The following SYNPR variants were observed in gnomAD, a reference collection of about 807,000 sequenced individuals.
SYNPR encodes the protein synaptoporin.
A neutral mutation model predicts 32.9 loss-of-function variants in SYNPR; 23 were observed. That is an observed-to-expected ratio of 0.70 (90% CI 0.50 to 0.99). The LOEUF is 0.99. Ranked by LOEUF, SYNPR falls within the 50% of genes least tolerant of loss-of-function variation. The pLI is 0.00. For synonymous variants in SYNPR, 146 were observed against 135.9 expected (o/e 1.07, Z -0.52); for missense variants, 318 against 349.3 (o/e 0.91, Z 0.71).
chr3:63,265,600 C>G (rs7622726), intron 2 of SYNPR, among the ~76,000 whole-genome samples: 2,006 of 152,214 alleles, frequency 0.013, 41 homozygotes, highest in African/African-American at 0.046. Flanking sequence ...AAAAGATATA[C>G]ATTAACAAAA....
At chr3:63,295,437 C>T (rs2086784437) in intron 2 of SYNPR, among the ~76,000 whole-genome samples, 1 of 151,876 alleles carries the variant, frequency 6.6e-6, no homozygotes, top group Admixed American at 6.6e-5. Context: ...TGCTGAGCTT[C>T]AAAAAAAGAC....
intron 3 of SYNPR, among the ~76,000 whole-genome samples, chr3:63,552,027 A>T (rs371469140): frequency 5.3e-5 from 8 of 151,872 alleles, no homozygotes; most frequent in African/African-American, 1.5e-4. Flanking sequence ...CCTCCCGAGT[A>T]GCTGGGATTA....
intron 4 of SYNPR, among the ~76,000 whole-genome samples, chr3:63,601,844 A>G (rs541417440): frequency 2.0e-5 from 3 of 152,274 alleles, no homozygotes; most frequent in Non-Finnish European, 4.4e-5. Context: ...TTGGGTATAT[A>G]CCCAATAATG....
intron 2 of SYNPR, among the ~76,000 whole-genome samples, chr3:63,389,294 C>A (rs1260826915): frequency 4.6e-5 from 7 of 152,052 alleles, no homozygotes; most frequent in African/African-American, 1.7e-4. Context: ...AAAACCAACA[C>A]CTTAAGTGCA....
At chr3:63,520,275 G>A (rs966192512) in intron 3 of SYNPR, among the ~76,000 whole-genome samples, 4 of 152,154 alleles carry the variant, frequency 2.6e-5, no homozygotes, top group Non-Finnish European at 1.5e-5. Context: ...TCTGGGAAAG[G>A]AATTCTGGGG....
chr3:63,203,068 G>GTGTGTGTGTATATA, the SYNPR span: 37 of 108,582 alleles, frequency 3.4e-4, no homozygotes, highest in Admixed American at 7.0e-4. Flanking sequence ...ATATGTATGT[G>GTGTGTGTGTATATA]TATATATATA....
At chr3:63,449,095 T>C (rs537643452) in intron 2 of SYNPR, among the ~76,000 whole-genome samples, 1 of 152,060 alleles carries the variant, frequency 6.6e-6, no homozygotes, top group South Asian at 2.1e-4. Context: ...TCTTGGACAG[T>C]ATTGGGAGAG....
intron 2 of SYNPR, among the ~76,000 whole-genome samples, chr3:63,437,150 T>TAC (rs67785174): frequency 0.15 from 22,501 of 152,078 alleles, 1,760 homozygotes; most frequent in East Asian, 0.32. Context: ...GTGCTGGGAT[T>TAC]AGACATGAGC....
intron 2 of SYNPR, among the ~76,000 whole-genome samples, chr3:63,474,249 C>T (rs932604285): frequency 7.9e-5 from 12 of 152,266 alleles, no homozygotes; most frequent in South Asian, 2.1e-4. Flanking sequence ...CTCCTGGGGA[C>T]GTCTACCTTG....
At chr3:63,575,388 T>C (rs1266683598) in intron 4 of SYNPR, among the ~76,000 whole-genome samples, 1 of 152,080 alleles carries the variant, frequency 6.6e-6, no homozygotes, top group East Asian at 1.9e-4. Context: ...TTCCTCTTTC[T>C]CATCATAAAG....
intron 4 of SYNPR, among the ~76,000 whole-genome samples, chr3:63,573,383 CAAGAT>C (rs141046015): frequency 0.012 from 1,757 of 152,218 alleles, 42 homozygotes; most frequent in African/African-American, 0.041. Flanking sequence ...TCATCACACT[CAAGAT>C]AAGAAGTCTA....
intron 2 of SYNPR, among the ~76,000 whole-genome samples, chr3:63,342,366 T>C (rs1398955427): frequency 6.6e-6 from 1 of 152,222 alleles, no homozygotes; most frequent in Non-Finnish European, 1.5e-5. Context: ...TCTGGACCAA[T>C]TGATATGCTC....
intron 4 of SYNPR, among the ~76,000 whole-genome samples, chr3:63,563,844 C>A (rs2106837321): frequency 6.6e-6 from 1 of 151,758 alleles, no homozygotes; most frequent in Non-Finnish European, 1.5e-5. Context: ...TGAGGGCATG[C>A]CCTTTTCAGG....
intron 4 of SYNPR, among the ~76,000 whole-genome samples, chr3:63,585,449 G>GT (rs1553649457): frequency 5.5e-5 from 6 of 109,498 alleles, no homozygotes; most frequent in African/African-American, 2.2e-4. Context: ...GTATATCCAT[G>GT]CCCCCCCCCT....
At chr3:63,207,226 T>C in the SYNPR span, among the ~76,000 whole-genome samples, 1 of 152,208 alleles carries the variant, frequency 6.6e-6, no homozygotes, top group Non-Finnish European at 1.5e-5. Context: ...CACTGAGTGT[T>C]TACATTCAGT....
chr3:63,540,600 T>A (rs1381948621), intron 3 of SYNPR, among the ~76,000 whole-genome samples: 1 of 151,978 alleles, frequency 6.6e-6, no homozygotes, highest in African/African-American at 2.4e-5. Flanking sequence ...TGTAACATAA[T>A]GGGCATGAAT....
At chr3:63,340,419 A>AT (rs60297238) in intron 2 of SYNPR, among the ~76,000 whole-genome samples, 63,990 of 128,696 alleles carry the variant, frequency 0.5, 17,389 homozygotes, top group Non-Finnish European at 0.57. Flanking sequence ...AAAAAAATGT[A>AT]TTTTTTTTTT....
intron 3 of SYNPR, among the ~76,000 whole-genome samples, chr3:63,549,499 C>A (rs1702464694): frequency 6.6e-6 from 1 of 152,184 alleles, no homozygotes; most frequent in Non-Finnish European, 1.5e-5. Context: ...ATTATTCTTT[C>A]CAAGCCTCAG....
At chr3:63,493,916 T>C (rs1566969) in intron 3 of SYNPR, among the ~76,000 whole-genome samples, 91,783 of 151,340 alleles carry the variant, frequency 0.61, 28,025 homozygotes, top group African/African-American at 0.67. Context: ...TCTTAAATAA[T>C]CCCCAAGTAA....
Sources: allele counts gnomAD v4.1 joint callset (sites outside exome capture counted in the v4.1 genomes callset), GRCh38; gene constraint gnomAD v4.1.1; transcripts MANE v1.5; gene names NCBI Gene and HGNC (gene_info 2026-07-23, HGNC 2026-07-21).